The following NFIB variants were observed in gnomAD, a reference collection of about 807,000 sequenced individuals.
NFIB encodes the protein nuclear factor 1 B-type.
Under a neutral mutation model 61.5 loss-of-function variants are expected in NFIB, and 11 were observed. The ratio of observed to expected loss-of-function variants is 0.18; its 90% CI spans 0.11 to 0.30. The LOEUF (loss-of-function observed/expected upper bound fraction) is 0.30. NFIB is among the 10% of genes least tolerant of loss of function. The probability of loss-of-function intolerance (pLI) is 1.00; values close to 1 mark genes in which losing one functional copy is unlikely to be tolerated. For synonymous variants in NFIB, 260 were observed against 216.5 expected, an observed-to-expected ratio of 1.20 and a Z score of -1.76; for missense variants, 471 against 608.9, an observed-to-expected ratio of 0.77 and a Z score of 2.38.
At chr9:14,323,158 A>T (rs534665987) in intron 1 of NFIB, among the ~76,000 whole-genome samples, 1 of 152,308 alleles carries the variant, frequency 6.6e-6, no homozygotes, top group South Asian at 2.1e-4. Context: ...AGGACCAGAA[A>T]GAGCGCACTT....
chr9:14,119,068 C>T (rs987611655), intron 8 of NFIB, among the ~76,000 whole-genome samples: 1 of 151,870 alleles, frequency 6.6e-6, no homozygotes, highest in Non-Finnish European at 1.5e-5. Context: ...ACGTTAAGGA[C>T]TTTTAATGGA....
chr9:14,417,333 C>T, the NFIB span, among the ~76,000 whole-genome samples: 115 of 152,344 alleles, frequency 7.5e-4, no homozygotes, highest in African/African-American at 2.5e-3. Context: ...CTAGGAGCAA[C>T]AGGCTATACC....
At chr9:14,170,637 T>C (rs79715983) in intron 3 of NFIB, among the ~76,000 whole-genome samples, 11,684 of 152,106 alleles carry the variant, frequency 0.077, 605 homozygotes, top group Non-Finnish European at 0.12. Context: ...CAAGACCCCA[T>C]CTCGGGGAGA....
chr9:14,425,271 T>C, the NFIB span, among the ~76,000 whole-genome samples: 2 of 152,100 alleles, frequency 1.3e-5, no homozygotes, highest in African/African-American at 4.8e-5. Flanking sequence ...AGAACCAGGA[T>C]GAAGAGGCTG....
intron 9 of NFIB, among the ~76,000 whole-genome samples, chr9:14,115,177 A>T (rs2037938855): frequency 6.9e-6 from 1 of 144,420 alleles, no homozygotes; most frequent in African/African-American, 2.7e-5. Flanking sequence ...CAGAAACCAT[A>T]AAAAAAAAAG....
chr9:14,445,560 A>G, the NFIB span, among the ~76,000 whole-genome samples: 1 of 152,202 alleles, frequency 6.6e-6, no homozygotes, highest in East Asian at 1.9e-4. Flanking sequence ...TCTGGCTTCT[A>G]TTTAGATGAT....
intron 10 of NFIB, chr9:14,102,610 C>A: frequency 1.3e-6 from 1 of 758,480 alleles, no homozygotes; most frequent in Non-Finnish European, 1.9e-6. Flanking sequence ...ATGGCATTAA[C>A]CTTACTTTCC....
chr9:14,399,874 T>G (rs991048157), upstream of NFIB, among the ~76,000 whole-genome samples: 11 of 152,194 alleles, frequency 7.2e-5, no homozygotes, highest in Admixed American at 2.0e-4. Context: ...ACATTTAACT[T>G]AAGCCACAGA....
chr9:14,456,766 G>C, the NFIB span, among the ~76,000 whole-genome samples: 1 of 152,136 alleles, frequency 6.6e-6, no homozygotes, highest in Non-Finnish European at 1.5e-5. Context: ...GTTTTCAATA[G>C]GGGACAATTT....
At chr9:14,356,570 A>G (rs1018357085) in intron 1 of NFIB, among the ~76,000 whole-genome samples, 5 of 152,084 alleles carry the variant, frequency 3.3e-5, no homozygotes, top group African/African-American at 1.2e-4. Flanking sequence ...AGAGCAAGAA[A>G]CAACAGTGAG....
the NFIB span, among the ~76,000 whole-genome samples, chr9:14,431,289 A>G: frequency 3.3e-5 from 5 of 152,208 alleles, no homozygotes; most frequent in African/African-American, 1.2e-4. Context: ...AAACTTGGAC[A>G]TGGATCTGGC....
chr9:14,478,908 C>G, the NFIB span, among the ~76,000 whole-genome samples: 4 of 152,186 alleles, frequency 2.6e-5, no homozygotes, highest in African/African-American at 9.6e-5. Context: ...CACAAAATAG[C>G]ATGTGTATTC....
At chr9:14,277,885 T>C (rs1288516545) in intron 2 of NFIB, among the ~76,000 whole-genome samples, 1 of 152,152 alleles carries the variant, frequency 6.6e-6, no homozygotes, top group Non-Finnish European at 1.5e-5. Context: ...AAAAGGTCAC[T>C]TGAGATTTCT....
intron 1 of NFIB, among the ~76,000 whole-genome samples, chr9:14,365,981 C>T (rs559348643): frequency 2.0e-5 from 3 of 152,288 alleles, no homozygotes; most frequent in South Asian, 2.1e-4. Context: ...CAGGGCCATT[C>T]AGAGTCTGTA....
At chr9:14,139,310 T>G (rs180791501) in intron 6 of NFIB, among the ~76,000 whole-genome samples, 1 of 152,338 alleles carries the variant, frequency 6.6e-6, no homozygotes, top group East Asian at 1.9e-4. Context: ...AAAAATCAAT[T>G]TCTTATTGTA....
Position 14,150,186 on chromosome 9 carries a change from C to T in NFIB, c.765G>A (p.Ser255=), listed in dbSNP as rs374415499. 83 of 1,613,362 alleles carry T rather than the reference C, an allele frequency of 5.1e-5. No individual in the cohort carries two copies. Among genetic ancestry groups the T allele is most frequent in the South Asian group, 6.6e-5 (6 of 91,070 alleles). Residue 255 remains serine (S), a synonymous_variant, in exon 5 of 11, where the codon TCG becomes TCA. Coordinates refer to ENST00000380953, the MANE Select transcript of NFIB (RefSeq NM_001190737.2). ...PSQPYYHDMN[S]GVNLQRSLSS... The stretch of plus-strand genomic sequence containing the variant: ...ACAGAGACCTCTGAAGATTGACCCC[C>T]GAGTTCATGTCATGATAGTATGGTT...
intron 4 of NFIB, among the ~76,000 whole-genome samples, chr9:14,152,289 T>C (rs1432098220): frequency 1.3e-5 from 2 of 152,152 alleles, no homozygotes; most frequent in African/African-American, 4.8e-5. Flanking sequence ...AAGTGCCTGA[T>C]GGCTTGAATT....
At chr9:14,444,075 T>C in the NFIB span, among the ~76,000 whole-genome samples, 6 of 152,216 alleles carry the variant, frequency 3.9e-5, no homozygotes, top group Non-Finnish European at 7.3e-5. Context: ...TTTCTAAGCA[T>C]ATTTATGATT....
At position 14,083,784 on chromosome 9, in the gene NFIB, G is replaced by A. The variant is rs144995267; in HGVS notation, c.*4525C>T. 3.4e-4 allele frequency: 78 copies of A among 226,148 alleles called. No individual in the cohort carries two copies. The highest frequency in any genetic ancestry group is 1.6e-3 in the African/African-American group (72 of 45,004). 14.0% of individuals were successfully genotyped at this position (226,148 alleles called of 1,614,324 possible). A position where few individuals can be genotyped will look rare whatever the true frequency, so the allele number is the denominator to read the frequency against. Reference sequence around the variant, plus strand: ...AAGATGTCCCTGTGCAATCTCTTTCGTTGAGTCCTTATGAAGCTACAAGTC... The same window carrying A: ...AAGATGTCCCTGTGCAATCTCTTTCATTGAGTCCTTATGAAGCTACAAGTC... On this transcript the variant is annotated 3_prime_UTR_variant, in exon 11 of 11. Transcript: ENST00000380953.
Sources: allele counts gnomAD v4.1 joint callset (sites outside exome capture counted in the v4.1 genomes callset), GRCh38; gene constraint gnomAD v4.1.1; transcripts MANE v1.5; gene names NCBI Gene and HGNC (gene_info 2026-07-23, HGNC 2026-07-21).